AP3B1: variants seen among roughly 807,000 people sequenced by gnomAD.
The protein encoded by AP3B1 is adaptor related protein complex 3 subunit beta 1.
In AP3B1, 61 loss-of-function variants were observed where a neutral mutation model predicts 132.5. The ratio of observed to expected loss-of-function variants is 0.46; its 90% CI spans 0.37 to 0.57. The LOEUF (loss-of-function observed/expected upper bound fraction) is 0.57. Ranked by LOEUF, AP3B1 falls within the 20% of genes least tolerant of loss-of-function variation. The pLI, the probability that AP3B1 is intolerant of heterozygous loss-of-function variation, is 0.00. For missense variants in AP3B1, 1,120 were observed against 1,289.4 expected (o/e 0.87, Z 2.01); for synonymous variants, 388 against 438.3 (o/e 0.89, Z 1.43).
chr5:78,169,464 G>T (rs1743809087), intron 11 of AP3B1, among the ~76,000 whole-genome samples: 1 of 152,152 alleles, frequency 6.6e-6, no homozygotes, highest in Non-Finnish European at 1.5e-5. Context: ...GTTAGAGACA[G>T]GGTCTCAGGC....
chr5:78,285,046 G>C (rs1181917033), intron 1 of AP3B1, among the ~76,000 whole-genome samples: 1 of 152,114 alleles, frequency 6.6e-6, no homozygotes, highest in Non-Finnish European at 1.5e-5. Flanking sequence ...AGGAGATGGA[G>C]ACCATCCCGG....
chr5:78,083,036 C>T (rs1380264740), intron 22 of AP3B1, among the ~76,000 whole-genome samples: 1 of 152,056 alleles, frequency 6.6e-6, no homozygotes, highest in Non-Finnish European at 1.5e-5. Context: ...AGGCTGGTCT[C>T]GAACTCCTGA....
chr5:78,281,577 T>C (rs1018311806), intron 1 of AP3B1, among the ~76,000 whole-genome samples: 2 of 152,202 alleles, frequency 1.3e-5, no homozygotes, highest in East Asian at 3.8e-4. Context: ...CCAAACTATA[T>C]TGAAACTTTT....
In AP3B1 at chr5:78,253,222, C is replaced by G. The variant is rs923826962; in HGVS notation, c.205-12286G>C. On this transcript the variant is annotated intron_variant, in intron 2 of 26. Transcript: ENST00000255194. The stretch of plus-strand genomic sequence containing the variant: ...TAGCTTAGATCACAACACCCACGTT[C>G]TTTCAAATATCTGGAAAGACTTCCC... 3.9e-5 allele frequency among the ~76,000 whole-genome samples: 6 copies of G among 152,228 alleles called. No individual in the cohort carries two copies. In the East Asian group the frequency reaches 1.2e-3, roughly 29 times the overall value.
At chr5:78,110,051 T>C (rs1751507338) in intron 20 of AP3B1, among the ~76,000 whole-genome samples, 156 bp downstream of exon 20, 1 of 152,156 alleles carries the variant, frequency 6.6e-6, no homozygotes, top group African/African-American at 2.4e-5. Context: ...AGGGATGAGA[T>C]TTTTTAAAGT....
In AP3B1 at chr5:78,176,562, T is replaced by C. The variant is rs533252801; in HGVS notation, c.1041-724A>G. On this transcript the variant is annotated intron_variant, in intron 9 of 26. Coordinates refer to ENST00000255194, the MANE Select transcript of AP3B1 (RefSeq NM_003664.5). ...CAAGCACTCAATGAAAAACATTGTTTCAAATTAAAACAACTAATTACTGAA... is the reference window on the plus strand; with the variant it reads ...CAAGCACTCAATGAAAAACATTGTTCCAAATTAAAACAACTAATTACTGAA... Among the ~76,000 whole-genome samples the C allele has an allele frequency of 4.6e-5, 7 of 152,288 alleles. No homozygotes were observed. The East Asian group carries it at 7.7e-4, about 17-fold the overall frequency.
At chr5:78,044,119 G>A (rs1748215760) in intron 22 of AP3B1, 3 of 302,316 alleles carry the variant, frequency 9.9e-6, no homozygotes, top group Admixed American at 4.0e-5. Flanking sequence ...TCCGCTCCAC[G>A]TGCACTTTCT....
intron 15 of AP3B1, among the ~76,000 whole-genome samples, chr5:78,132,744 G>T (rs1752743281): frequency 6.6e-6 from 1 of 152,096 alleles, no homozygotes; most frequent in Non-Finnish European, 1.5e-5. Context: ...TCTTCTGGTT[G>T]TTGTGTGGTC....
chr5:78,255,002 T>C (rs894456215), intron 2 of AP3B1, among the ~76,000 whole-genome samples: 1 of 152,170 alleles, frequency 6.6e-6, no homozygotes, highest in African/African-American at 2.4e-5. Flanking sequence ...TGTTTGTTTA[T>C]GCAAATAGTG....
chr5:78,239,471 A>AG (rs1209051152), intron 3 of AP3B1, among the ~76,000 whole-genome samples: 1 of 141,094 alleles, frequency 7.1e-6, no homozygotes, highest in Non-Finnish European at 1.5e-5. Context: ...ACCCTGTCTC[A>AG]GAAAAAAAAA....
In AP3B1 at chr5:78,202,951, C is replaced by T. The variant is rs747680016; in HGVS notation, c.786+13104G>A. Among the ~76,000 whole-genome samples, 60 of 152,212 alleles carry T rather than the reference C, an allele frequency of 3.9e-4. 2 individuals are homozygous for T. Among genetic ancestry groups the T allele is most frequent in the Non-Finnish European group, 7.3e-5 (5 of 68,036 alleles). On this transcript the variant is annotated intron_variant, in intron 7 of 26. Coordinates refer to ENST00000255194, the MANE Select transcript of AP3B1 (RefSeq NM_003664.5). The stretch of plus-strand genomic sequence containing the variant: ...AAACATTGGACTGTTTATACCAATA[C>T]AGGCATGTACCGATTTCTCCATTTT...
At position 78,097,762 on chromosome 5, in the gene AP3B1, C is replaced by G. The variant is rs1052520437; in HGVS notation, c.2470+3191G>C. Reference sequence around the variant, plus strand: ...GAGGAGCCCCTCTGCCCGGCCACCACCCCGTCTGGGAGGTGTGCCCAACAG... The same window carrying G: ...GAGGAGCCCCTCTGCCCGGCCACCAGCCCGTCTGGGAGGTGTGCCCAACAG... On this transcript the variant is annotated intron_variant, in intron 21 of 26. Transcript: ENST00000255194. Among the ~76,000 whole-genome samples the G allele has an allele frequency of 1.4e-3, 212 of 152,206 alleles. 1 individual carries two copies. Among genetic ancestry groups the G allele is most frequent in the African/African-American group, 4.8e-3 (199 of 41,558 alleles).
intron 17 of AP3B1, among the ~76,000 whole-genome samples, chr5:78,116,453 C>T (rs1416719020): frequency 6.6e-6 from 1 of 152,160 alleles, no homozygotes; most frequent in Non-Finnish European, 1.5e-5. Context: ...AACCAACAAT[C>T]TTATTTTAAA....
chr5:78,234,053 GA>G (rs1746771533), intron 3 of AP3B1, among the ~76,000 whole-genome samples: 1 of 151,988 alleles, frequency 6.6e-6, no homozygotes, highest in African/African-American at 2.4e-5. Context: ...CTTCTCATTT[GA>G]AAATGACATC....
intron 6 of AP3B1, among the ~76,000 whole-genome samples, chr5:78,220,137 T>A (rs960676668): frequency 6.6e-6 from 1 of 151,988 alleles, no homozygotes; most frequent in Non-Finnish European, 1.5e-5. Context: ...CAAAAAAAGG[T>A]AATAATTAAG....
intron 15 of AP3B1, among the ~76,000 whole-genome samples, chr5:78,136,079 C>T (rs924773056): frequency 6.6e-6 from 1 of 151,750 alleles, no homozygotes; most frequent in African/African-American, 2.4e-5. Flanking sequence ...TAGGATAAAC[C>T]CAAATCAGTA....
At chr5:78,023,273 A>G (rs578138134) in intron 24 of AP3B1, among the ~76,000 whole-genome samples, 1 of 152,300 alleles carries the variant, frequency 6.6e-6, no homozygotes, top group African/African-American at 2.4e-5. Flanking sequence ...GGAAATACAA[A>G]TCAAGAATCT....
At chr5:78,268,904 G>A (rs1411488563) in intron 1 of AP3B1, among the ~76,000 whole-genome samples, 5 of 152,242 alleles carry the variant, frequency 3.3e-5, no homozygotes, top group African/African-American at 9.6e-5. Context: ...AGCTTCTCAC[G>A]TATGTCATAA....
intron 23 of AP3B1, among the ~76,000 whole-genome samples, chr5:78,035,362 CTTTATA>C (rs1384097883): frequency 2.0e-5 from 3 of 151,934 alleles, no homozygotes; most frequent in Non-Finnish European, 4.4e-5. Flanking sequence ...CATACAATCA[CTTTATA>C]TTTAGCTTTA....
Sources: gnomAD v4.1 joint callset for allele counts (sites outside exome capture counted in the v4.1 genomes callset) on GRCh38, gnomAD v4.1.1 for gene constraint, MANE v1.5 for transcripts, NCBI Gene and HGNC (gene_info 2026-07-23, HGNC 2026-07-21) for gene names.